The following CADM2 variants were observed in gnomAD, a reference collection of about 807,000 sequenced individuals.
The protein encoded by CADM2 is cell adhesion molecule 2.
Under a neutral mutation model 49.8 loss-of-function variants are expected in CADM2, and 12 were observed. The observed-to-expected ratio is 0.24, with a 90% CI of 0.15 to 0.39. CADM2 has a LOEUF of 0.39. Among genes scored for constraint, CADM2 ranks in the 10% least tolerant of loss-of-function variants. CADM2 has a pLI of 1.00. For missense variants in CADM2, 378 were observed against 492.3 expected, an observed-to-expected ratio of 0.77 and a Z score of 2.20; for synonymous variants, 214 against 175.4, an observed-to-expected ratio of 1.22 and a Z score of -1.74.
At chr3:85,657,311 T>C (rs1412262271) in intron 1 of CADM2, among the ~76,000 whole-genome samples, 1 of 152,154 alleles carries the variant, frequency 6.6e-6, no homozygotes, top group Admixed American at 6.5e-5. Flanking sequence ...GAAGTAATAA[T>C]ATTCATGTTG....
chr3:84,965,820 G>T (rs1018700687), intron 1 of CADM2, among the ~76,000 whole-genome samples: 1 of 152,060 alleles, frequency 6.6e-6, no homozygotes, highest in African/African-American at 2.4e-5. Context: ...GGAGTTAACT[G>T]TTCAGTGTCT....
At chr3:85,268,043 A>G (rs1046391207) in intron 1 of CADM2, among the ~76,000 whole-genome samples, 4 of 151,594 alleles carry the variant, frequency 2.6e-5, no homozygotes, top group African/African-American at 2.4e-5. Flanking sequence ...TTACAAAAAT[A>G]TGAACTTACA....
intron 1 of CADM2, among the ~76,000 whole-genome samples, chr3:85,713,763 G>T (rs983485241): frequency 6.6e-6 from 1 of 152,116 alleles, no homozygotes; most frequent in Non-Finnish European, 1.5e-5. Context: ...TCATCATTTG[G>T]TTTATGGAAA....
At chr3:85,849,631 A>G (rs934418498) in intron 3 of CADM2, among the ~76,000 whole-genome samples, 1 of 152,200 alleles carries the variant, frequency 6.6e-6, no homozygotes, top group East Asian at 1.9e-4. Context: ...CTTATCATGA[A>G]CACCACATTT....
chr3:85,576,152 A>T (rs946515376), intron 1 of CADM2, among the ~76,000 whole-genome samples: 1 of 152,174 alleles, frequency 6.6e-6, no homozygotes, highest in Non-Finnish European at 1.5e-5. Context: ...TAATTTATTT[A>T]TTATAAAAAT....
chr3:85,157,549 A>G (rs150457251), intron 1 of CADM2, among the ~76,000 whole-genome samples: 4,900 of 152,218 alleles, frequency 0.032, 104 homozygotes, highest in East Asian at 0.045. Context: ...ATCTACAACT[A>G]TCTGATCTTT....
At position 85,624,049 on chromosome 3, in the gene CADM2, T is replaced by C. The variant is rs540821280; in HGVS notation, c.62-102473T>C. 3.6e-3 allele frequency among the ~76,000 whole-genome samples: 548 copies of C among 152,224 alleles called. 7 individuals are homozygous for C. The highest frequency in any genetic ancestry group is 0.011 in the African/African-American group (459 of 41,562). ...AGGCCAAATACTTTAAAATAAAATA[T>C]TCATATTTTGAGTAATTTTAAAATA... On this transcript the variant is annotated intron_variant, in intron 1 of 9. Coordinates refer to ENST00000383699, the MANE Select transcript of CADM2 (RefSeq NM_001167675.2).
intron 3 of CADM2, among the ~76,000 whole-genome samples, chr3:85,877,392 A>G (rs1000400766): frequency 2.6e-5 from 4 of 152,110 alleles, no homozygotes; most frequent in African/African-American, 9.7e-5. Flanking sequence ...AACATTTTTT[A>G]AAAGATTGAA....
intron 8 of CADM2, chr3:85,994,080 T>C (rs1729084772): frequency 6.6e-6 from 1 of 152,290 alleles, no homozygotes; most frequent in East Asian, 1.9e-4. Flanking sequence ...GTGAAAGTTA[T>C]AAATGGCATC....
intron 1 of CADM2, among the ~76,000 whole-genome samples, chr3:85,006,339 C>T (rs1045560047): frequency 6.6e-6 from 1 of 152,104 alleles, no homozygotes; most frequent in African/African-American, 2.4e-5. Context: ...AACCTTAGAT[C>T]ACATTCACTG....
chr3:85,942,812 T>A (rs971551840), intron 7 of CADM2, among the ~76,000 whole-genome samples: 1 of 152,096 alleles, frequency 6.6e-6, no homozygotes, highest in Non-Finnish European at 1.5e-5. Flanking sequence ...CATGTGTCTT[T>A]ATAGCAGCAT....
intron 1 of CADM2, among the ~76,000 whole-genome samples, chr3:85,256,503 C>T (rs2042889369): frequency 6.6e-6 from 1 of 152,040 alleles, no homozygotes; most frequent in Non-Finnish European, 1.5e-5. Context: ...GAAGCTAAAC[C>T]AATAGAAAAT....
chr3:85,416,089 CTA>C (rs2035907328), intron 1 of CADM2, among the ~76,000 whole-genome samples: 1 of 151,954 alleles, frequency 6.6e-6, no homozygotes, highest in Non-Finnish European at 1.5e-5. Context: ...TTAACTTTTC[CTA>C]TATTTTTCTA....
intron 1 of CADM2, among the ~76,000 whole-genome samples, chr3:85,461,636 C>T (rs2038249491): frequency 7.0e-6 from 1 of 142,896 alleles, no homozygotes; most frequent in South Asian, 2.3e-4. Context: ...AATTCAAGTT[C>T]TTACTGCCTT....
At chr3:84,998,798 T>G (rs2033308450) in intron 1 of CADM2, among the ~76,000 whole-genome samples, 1 of 152,108 alleles carries the variant, frequency 6.6e-6, no homozygotes, top group Non-Finnish European at 1.5e-5. Flanking sequence ...TAATCTCAAT[T>G]TGGCACCAAT....
At chr3:86,008,537 A>G (rs1288786619) in intron 8 of CADM2, among the ~76,000 whole-genome samples, 1 of 152,128 alleles carries the variant, frequency 6.6e-6, no homozygotes, top group Non-Finnish European at 1.5e-5. Flanking sequence ...TGCGTAATTC[A>G]ATGCTGAGAT....
At chr3:85,207,179 A>C (rs984627440) in intron 1 of CADM2, among the ~76,000 whole-genome samples, 7 of 152,004 alleles carry the variant, frequency 4.6e-5, no homozygotes, top group African/African-American at 1.7e-4. Flanking sequence ...TTTTAATGCA[A>C]ATGCACAATC....
chr3:85,129,957 C>T (rs960357708), intron 1 of CADM2, among the ~76,000 whole-genome samples: 2 of 152,148 alleles, frequency 1.3e-5, no homozygotes, highest in Non-Finnish European at 2.9e-5. Flanking sequence ...GCTTTTAATG[C>T]CCTCACTGTG....
At chr3:85,541,921 G>A (rs551687708) in intron 1 of CADM2, among the ~76,000 whole-genome samples, 69 of 151,380 alleles carry the variant, frequency 4.6e-4, no homozygotes, top group Non-Finnish European at 8.7e-4. Flanking sequence ...TATACACTGT[G>A]TTTTAAAAAA....
Sources: allele counts gnomAD v4.1 joint callset (sites outside exome capture counted in the v4.1 genomes callset), GRCh38; gene constraint gnomAD v4.1.1; transcripts MANE v1.5; gene names NCBI Gene and HGNC (gene_info 2026-07-23, HGNC 2026-07-21).